Variants in TRIM44 observed in about 807,000 individuals in gnomAD.
TRIM44 encodes tripartite motif containing 44.
TRIM44 carries 13 observed loss-of-function variants against 37.4 expected under a neutral mutation model. The ratio of observed to expected loss-of-function variants is 0.35; its 90% CI spans 0.23 to 0.55. The LOEUF is 0.55. TRIM44 is among the 20% of genes least tolerant of loss of function. The pLI is 0.89. For missense variants in TRIM44, 426 were observed against 437.2 expected, an observed-to-expected ratio of 0.97 and a Z score of 0.23; for synonymous variants, 175 against 157.2, an observed-to-expected ratio of 1.11 and a Z score of -0.85.
At chr11:35,694,700 C>T (rs1268692150) in intron 2 of TRIM44, among the ~76,000 whole-genome samples, 2 of 151,756 alleles carry the variant, frequency 1.3e-5, no homozygotes, top group Non-Finnish European at 2.9e-5. Flanking sequence ...TTAGCTTTAC[C>T]CTAAGGGTTT....
chr11:35,667,351 C>A (rs1209133908), intron 1 of TRIM44, among the ~76,000 whole-genome samples: 1 of 152,138 alleles, frequency 6.6e-6, no homozygotes, highest in African/African-American at 2.4e-5. Flanking sequence ...TCACCTGATT[C>A]TTCTACCAGC....
chr11:35,813,920 A>C lies in TRIM44; in HGVS notation c.*7535A>C, dbSNP rs1237291436. 1 of 152,160 alleles carries C rather than the reference A, an allele frequency of 6.6e-6. No homozygotes were observed. The highest frequency in any genetic ancestry group is 1.9e-4 in the East Asian group (1 of 5,196). 9.4% of individuals were successfully genotyped at this position (152,160 alleles called of 1,614,324 possible). A position where few individuals can be genotyped will look rare whatever the true frequency, so the allele number is the denominator to read the frequency against. On this transcript the variant is annotated 3_prime_UTR_variant, in exon 5 of 5. Coordinates refer to ENST00000299413, the MANE Select transcript of TRIM44 (RefSeq NM_017583.6). ...CAGAGAGTTTTTTTCACAGCTTTGT[A>C]AGTGACTTTCATGCTACAGTGCTTT...
intron 2 of TRIM44, among the ~76,000 whole-genome samples, chr11:35,690,467 A>G (rs2135493597): frequency 6.6e-6 from 1 of 152,320 alleles, no homozygotes; most frequent in African/African-American, 2.4e-5. Context: ...ATTGTGTCCC[A>G]TTATTCACAA....
At chr11:35,777,432 T>C (rs939578294) in intron 4 of TRIM44, among the ~76,000 whole-genome samples, 6 of 152,244 alleles carry the variant, frequency 3.9e-5, no homozygotes, top group African/African-American at 1.4e-4. Flanking sequence ...GTCTTTTAAT[T>C]GGAACATTTA....
In TRIM44 at chr11:35,812,176, C is replaced by CTTTG. The variant is rs1258245743; in HGVS notation, c.*5796_*5799dup. 2 of 152,124 alleles carry CTTTG rather than the reference C, an allele frequency of 1.3e-5. No homozygotes were observed. Among genetic ancestry groups the CTTTG allele is most frequent in the Non-Finnish European group, 2.9e-5 (2 of 68,010 alleles). The allele number at this position is 152,124 out of a possible 1,614,324, so 9.4% of individuals were successfully genotyped here. ...CAACTCTATATTTTATTTTATTACTCTTTGTTTGGTCCAACATGGCCCCAT... is the reference window on the plus strand; with the variant it reads ...CAACTCTATATTTTATTTTATTACTCTTTGTTTGTTTGGTCCAACATGGCCCCAT... On this transcript the variant is annotated 3_prime_UTR_variant, in exon 5 of 5. Transcript: ENST00000299413.
At chr11:35,796,153 TC>T in intron 4 of TRIM44, among the ~76,000 whole-genome samples, 1 of 152,294 alleles carries the variant, frequency 6.6e-6, no homozygotes, top group Middle Eastern at 3.4e-3. Context: ...ACTTCCAACT[TC>T]CTACAACTTC....
chr11:35,746,939 GT>G (rs747612830), intron 4 of TRIM44, among the ~76,000 whole-genome samples: 37 of 152,270 alleles, frequency 2.4e-4, no homozygotes, highest in Admixed American at 7.8e-4. Flanking sequence ...AAGGCATTTT[GT>G]TTTCTTGGTG....
chr11:35,767,603 GTA>G (rs148049374), intron 4 of TRIM44, among the ~76,000 whole-genome samples: 2 of 151,596 alleles, frequency 1.3e-5, no homozygotes, highest in Non-Finnish European at 2.9e-5. Flanking sequence ...AAAAAAAGTT[GTA>G]TATATATATA....
intron 2 of TRIM44, among the ~76,000 whole-genome samples, chr11:35,706,424 C>T (rs1186895902): frequency 6.6e-6 from 1 of 152,200 alleles, no homozygotes; most frequent in Admixed American, 6.5e-5. Flanking sequence ...AGGCCAGCAT[C>T]ATCCTGATAC....
rs528250660 is a variant in TRIM44 at position 35,743,258 on chromosome 11, G to T, written c.1007+7813G>T. ...TAGACTAGAAGGTGGGTTGAGTCCA[G>T]CTTGTAAAGGGTGAAGTGTACCATG... On this transcript the variant is annotated intron_variant, in intron 4 of 4. Transcript: ENST00000299413. Among the ~76,000 whole-genome samples, 7 of 152,266 alleles carry T rather than the reference G, an allele frequency of 4.6e-5. No homozygotes were observed. In the South Asian group the frequency reaches 1.5e-3, roughly 32 times the overall value.
chr11:35,745,933 C>T (rs1021537109), intron 4 of TRIM44, among the ~76,000 whole-genome samples: 1 of 151,674 alleles, frequency 6.6e-6, no homozygotes, highest in East Asian at 1.9e-4. Context: ...TCCTCATCAA[C>T]ATTATAAAAA....
At chr11:35,746,138 G>A (rs1439863644) in intron 4 of TRIM44, among the ~76,000 whole-genome samples, 1 of 152,202 alleles carries the variant, frequency 6.6e-6, no homozygotes, top group African/African-American at 2.4e-5. Flanking sequence ...ATCCAATGCT[G>A]AGGAGTCTAG....
At chr11:35,772,309 G>T (rs1434655482) in intron 4 of TRIM44, among the ~76,000 whole-genome samples, 1 of 152,236 alleles carries the variant, frequency 6.6e-6, no homozygotes, top group Non-Finnish European at 1.5e-5. Flanking sequence ...TGGGGTTGGA[G>T]CCCCTACACA....
At chr11:35,708,560 C>T (rs1052781747) in intron 2 of TRIM44, among the ~76,000 whole-genome samples, 3 of 151,658 alleles carry the variant, frequency 2.0e-5, no homozygotes, top group African/African-American at 4.9e-5. Flanking sequence ...GGCACATATA[C>T]ACCATGGAAT....
chr11:35,765,608 A>G (rs1175293690), intron 4 of TRIM44, among the ~76,000 whole-genome samples: 1 of 152,144 alleles, frequency 6.6e-6, no homozygotes, highest in Non-Finnish European at 1.5e-5. Context: ...CTTTGTCAGC[A>G]TTGTGCTTTA....
chr11:35,704,020 T>G (rs2135502780), intron 2 of TRIM44, among the ~76,000 whole-genome samples: 1 of 152,130 alleles, frequency 6.6e-6, no homozygotes, highest in East Asian at 1.9e-4. Context: ...GAAAAAAATT[T>G]AGACGAATGT....
At chr11:35,732,735 G>T (rs1447025094) in intron 3 of TRIM44, among the ~76,000 whole-genome samples, 1 of 152,122 alleles carries the variant, frequency 6.6e-6, no homozygotes, top group Non-Finnish European at 1.5e-5. Context: ...GGATAGATAG[G>T]AATTAGCTAG....
chr11:35,738,401 G>A (rs1359181), intron 4 of TRIM44, among the ~76,000 whole-genome samples: 4,859 of 152,262 alleles, frequency 0.032, 412 homozygotes, highest in Admixed American at 0.19. Flanking sequence ...CCTTGAGCCA[G>A]GCTGCTATGG....
At chr11:35,665,486 T>G (rs929311369) in intron 1 of TRIM44, among the ~76,000 whole-genome samples, 1 of 152,168 alleles carries the variant, frequency 6.6e-6, no homozygotes, top group African/African-American at 2.4e-5. Flanking sequence ...CTAATGACTT[T>G]GAGGATCTTT....
Sources: gnomAD v4.1 joint callset for allele counts (sites outside exome capture counted in the v4.1 genomes callset) on GRCh38, gnomAD v4.1.1 for gene constraint, MANE v1.5 for transcripts, NCBI Gene and HGNC (gene_info 2026-07-23, HGNC 2026-07-21) for gene names.